The following PXYLP1 variants were observed in gnomAD, a reference collection of about 807,000 sequenced individuals.
PXYLP1 encodes the protein 2-phosphoxylose phosphatase 1.
PXYLP1 carries 17 observed loss-of-function variants against 37.9 expected under a neutral mutation model. The observed-to-expected ratio is 0.45, with a 90% CI of 0.31 to 0.67. The LOEUF (loss-of-function observed/expected upper bound fraction) is 0.67, where lower values mean the gene tolerates loss of function less well. Ranked by LOEUF, PXYLP1 falls within the 30% of genes least tolerant of loss-of-function variation. The pLI, the probability that PXYLP1 is intolerant of heterozygous loss-of-function variation, is 0.07. For missense variants in PXYLP1, 511 were observed against 612.0 expected, an observed-to-expected ratio of 0.84 and a Z score of 1.74; for synonymous variants, 221 against 232.2, an observed-to-expected ratio of 0.95 and a Z score of 0.44.
chr3:141,278,297 G>C (rs759779900), intron 2 of PXYLP1, 45 bp from the exon 3 acceptor site: 1 of 1,609,090 alleles, frequency 6.2e-7, no homozygotes, highest in East Asian at 2.2e-5. Context: ...AGCTGGCCTG[G>C]CGCCCCAGGA....
At chr3:141,281,865 C>A (rs544853276) in intron 4 of PXYLP1, among the ~76,000 whole-genome samples, 1 of 152,246 alleles carries the variant, frequency 6.6e-6, no homozygotes, top group South Asian at 2.1e-4. Flanking sequence ...TTCACAGGCT[C>A]AAGCGTGGAG....
intron 2 of PXYLP1, 140 bp downstream of exon 2, chr3:141,260,394 G>T: frequency 1.0e-6 from 1 of 969,074 alleles, no homozygotes; most frequent in African/African-American, 1.7e-5. Flanking sequence ...CACAGTGGCC[G>T]GTTGCAAGGA....
At chr3:141,252,538 A>G (rs1941164837) in intron 1 of PXYLP1, among the ~76,000 whole-genome samples, 1 of 152,124 alleles carries the variant, frequency 6.6e-6, no homozygotes, top group Non-Finnish European at 1.5e-5. Flanking sequence ...ACGTCAACTA[A>G]CAGAGCTAGA....
chr3:141,289,276 C>CAAAAAA (rs112480371), intron 5 of PXYLP1, among the ~76,000 whole-genome samples: 13,346 of 151,408 alleles, frequency 0.088, 685 homozygotes, highest in East Asian at 0.21. Context: ...GTTCTAGACA[C>CAAAAAA]AAAAACAGAA....
At position 141,279,469 on chromosome 3, in the gene PXYLP1, G is replaced by A; in HGVS notation, c.330G>A (p.Lys110=). The change falls in exon 4 of 6, where the codon AAG becomes AAA. Residue 110 remains lysine, a synonymous_variant. Coordinates refer to ENST00000286353, the MANE Select transcript of PXYLP1 (RefSeq NM_001037172.3). ...CACTGTATGTCATTCCCAAAACAAAGCGACCAGAAATTGACTGCACTCTGG... is the reference window on the plus strand; with the variant it reads ...CACTGTATGTCATTCCCAAAACAAAACGACCAGAAATTGACTGCACTCTGG... ...RYPLYVIPKT[K]RPEIDCTLVA... 1 of 1,614,212 alleles carries A rather than the reference G, an allele frequency of 6.2e-7. No individual in the cohort carries two copies. The highest frequency in any genetic ancestry group is 1.1e-5 in the South Asian group (1 of 91,080).
chr3:141,283,250 G>A (rs1941995526), intron 4 of PXYLP1, among the ~76,000 whole-genome samples: 1 of 152,008 alleles, frequency 6.6e-6, no homozygotes, highest in South Asian at 2.1e-4. Flanking sequence ...CCAAAGTGCT[G>A]GGATTACAGG....
intron 1 of PXYLP1, among the ~76,000 whole-genome samples, chr3:141,255,819 A>G (rs1458085306): frequency 6.6e-6 from 1 of 152,224 alleles, no homozygotes; most frequent in Admixed American, 6.5e-5. Flanking sequence ...TGGAAAACTC[A>G]GGCTGGAGAT....
chr3:141,232,972 G>T (rs1389563636), intron 1 of PXYLP1, among the ~76,000 whole-genome samples: 2 of 152,164 alleles, frequency 1.3e-5, no homozygotes, highest in Non-Finnish European at 2.9e-5. Flanking sequence ...GAAGTGTAGG[G>T]GGGTGGATGG....
At chr3:141,248,973 G>A (rs190900847) in intron 1 of PXYLP1, among the ~76,000 whole-genome samples, 289 of 151,954 alleles carry the variant, frequency 1.9e-3, no homozygotes, top group South Asian at 3.7e-3. Context: ...ATCTCAGCAC[G>A]TGGAGGGCTC....
chr3:141,293,221 G>A lies in PXYLP1; in HGVS notation c.*16G>A. 1.9e-6 allele frequency: 3 copies of A among 1,603,370 alleles called. No homozygotes were observed. Among genetic ancestry groups the A allele is most frequent in the Non-Finnish European group, 2.6e-6 (3 of 1,173,982 alleles). On this transcript the variant is annotated 3_prime_UTR_variant, in exon 6 of 6. Transcript: ENST00000286353. Reference sequence around the variant, plus strand: ...AGGATTCTAAAAGGTATGCAGTACAGCAGTATAGAATCCATGCCAATACAG... The same window carrying A: ...AGGATTCTAAAAGGTATGCAGTACAACAGTATAGAATCCATGCCAATACAG...
In PXYLP1 at chr3:141,276,329, T is replaced by G. The variant is rs561214302; in HGVS notation, c.80-2013T>G. On this transcript the variant is annotated intron_variant, in intron 2 of 5. Transcript: ENST00000286353. ...CCAGAGGAAAACCACTGCTGTGTTATGATGGATAACCTTCTAGACATTTTT... is the reference window on the plus strand; with the variant it reads ...CCAGAGGAAAACCACTGCTGTGTTAGGATGGATAACCTTCTAGACATTTTT... Among the ~76,000 whole-genome samples, 4 of 152,388 alleles carry G rather than the reference T, an allele frequency of 2.6e-5. 1 individual carries two copies. The South Asian group carries it at 6.2e-4, about 24-fold the overall frequency.
At chr3:141,260,857 G>GATCT (rs761748206) in intron 2 of PXYLP1, among the ~76,000 whole-genome samples, 20 of 152,230 alleles carry the variant, frequency 1.3e-4, no homozygotes, top group Non-Finnish European at 2.9e-4. Flanking sequence ...CTCAGACACA[G>GATCT]ATCTGGCCCC....
chr3:141,285,144 C>CTTTTTTTTTT lies in PXYLP1; in HGVS notation c.366-2159_366-2150dup, dbSNP rs147495598. 3.3e-3 allele frequency among the ~76,000 whole-genome samples: 256 copies of CTTTTTTTTTT among 78,744 alleles called. 3 individuals carry two copies. The highest frequency in any genetic ancestry group is 6.5e-3 in the African/African-American group (148 of 22,890). The allele number at this position is 78,744 out of a possible 152,430, so 51.7% of individuals were successfully genotyped here. A position where few individuals can be genotyped will look rare whatever the true frequency, so the allele number is the denominator to read the frequency against. On this transcript the variant is annotated intron_variant, in intron 4 of 5. Coordinates refer to ENST00000286353, the MANE Select transcript of PXYLP1 (RefSeq NM_001037172.3). ...AAATGTTTTTTTTCTTTTTCTTTTTCTTTTTTTTTTTTTTTTTTTTGAGAC... is the reference window on the plus strand; with the variant it reads ...AAATGTTTTTTTTCTTTTTCTTTTTCTTTTTTTTTTTTTTTTTTTTTTTTTTTTTTGAGAC...
At chr3:141,257,593 C>A (rs1941289704) in intron 1 of PXYLP1, among the ~76,000 whole-genome samples, 1 of 152,158 alleles carries the variant, frequency 6.6e-6, no homozygotes, top group Non-Finnish European at 1.5e-5. Flanking sequence ...CAACTGTAAA[C>A]CATACTGTGG....
At chr3:141,265,569 A>G (rs1291930489) in intron 2 of PXYLP1, among the ~76,000 whole-genome samples, 1 of 152,016 alleles carries the variant, frequency 6.6e-6, no homozygotes, top group African/African-American at 2.4e-5. Flanking sequence ...GAAGGTATTG[A>G]CCCTGAAAGG....
At chr3:141,286,745 T>C (rs1942083677) in intron 4 of PXYLP1, among the ~76,000 whole-genome samples, 1 of 152,170 alleles carries the variant, frequency 6.6e-6, no homozygotes, top group East Asian at 1.9e-4. Context: ...TCAATCCTTC[T>C]GGTGGTGGAG....
At chr3:141,274,470 C>A in intron 2 of PXYLP1, 1 of 1,509,688 alleles carries the variant, frequency 6.6e-7, no homozygotes, top group South Asian at 1.2e-5. Flanking sequence ...CCAGCTTCAT[C>A]AGTTTTTCAG....
At chr3:141,238,241 G>A (rs868745957) in intron 1 of PXYLP1, among the ~76,000 whole-genome samples, 2 of 152,208 alleles carry the variant, frequency 1.3e-5, no homozygotes, top group South Asian at 2.1e-4. Context: ...CTATGTTGAC[G>A]GGCATGGGTT....
At chr3:141,248,525 A>T (rs1471146220) in intron 1 of PXYLP1, among the ~76,000 whole-genome samples, 23 of 148,204 alleles carry the variant, frequency 1.6e-4, no homozygotes, top group Non-Finnish European at 2.4e-4. Context: ...ACACACACAC[A>T]CGTATATATA....
Sources: allele counts gnomAD v4.1 joint callset (sites outside exome capture counted in the v4.1 genomes callset), GRCh38; gene constraint gnomAD v4.1.1; transcripts MANE v1.5; gene names NCBI Gene and HGNC (gene_info 2026-07-23, HGNC 2026-07-21).